The following COL22A1 variants were observed in gnomAD, a reference collection of about 807,000 sequenced individuals.
The protein encoded by COL22A1 is collagen alpha-1(XXII) chain.
Under a neutral mutation model 248.9 loss-of-function variants are expected in COL22A1, and 221 were observed. The observed-to-expected ratio is 0.89, with a 90% CI of 0.80 to 0.99. The LOEUF (loss-of-function observed/expected upper bound fraction) is 0.99, where lower values mean the gene tolerates loss of function less well. Ranked by LOEUF, COL22A1 falls within the 50% of genes least tolerant of loss-of-function variation. The pLI is 0.00. For missense variants in COL22A1, 2,240 were observed against 2,179.0 expected, an observed-to-expected ratio of 1.03 and a Z score of -0.56; for synonymous variants, 891 against 793.4, an observed-to-expected ratio of 1.12 and a Z score of -2.07.
At chr8:138,798,420 TTTAA>T (rs1455279000) in intron 11 of COL22A1, among the ~76,000 whole-genome samples, 1 of 152,030 alleles carries the variant, frequency 6.6e-6, no homozygotes, top group East Asian at 1.9e-4. Flanking sequence ...TCATGATATT[TTTAA>T]CTGTATATTT....
At chr8:138,676,267 G>C (rs756558483) in intron 41 of COL22A1, among the ~76,000 whole-genome samples, 2 of 147,186 alleles carry the variant, frequency 1.4e-5, no homozygotes, top group Non-Finnish European at 3.0e-5. Flanking sequence ...GTGGTGGCAG[G>C]CACCTGTAAT....
chr8:138,729,574 C>A (rs1830561693), intron 23 of COL22A1, among the ~76,000 whole-genome samples: 1 of 152,204 alleles, frequency 6.6e-6, no homozygotes, highest in Non-Finnish European at 1.5e-5. Flanking sequence ...CTGGAAGCAA[C>A]TGTCTGAAAG....
At chr8:138,868,587 A>G (rs566903880) in intron 3 of COL22A1, among the ~76,000 whole-genome samples, 2 of 152,290 alleles carry the variant, frequency 1.3e-5, no homozygotes, top group South Asian at 4.1e-4. Context: ...ATAAATACAC[A>G]CTCACACACA....
intron 1 of COL22A1, among the ~76,000 whole-genome samples, chr8:138,885,567 C>CG (rs1824600474): frequency 6.9e-6 from 1 of 145,266 alleles, no homozygotes; most frequent in Non-Finnish European, 1.5e-5. Flanking sequence ...ACGTATCACA[C>CG]AGTTTTTTTT....
chr8:138,804,804 G>A (rs1367863446), intron 10 of COL22A1, among the ~76,000 whole-genome samples: 1 of 147,542 alleles, frequency 6.8e-6, no homozygotes, highest in Non-Finnish European at 1.5e-5. Flanking sequence ...GTGTGTGTGT[G>A]TGATGGGATG....
At chr8:138,630,288 T>C (rs1820596247) in intron 50 of COL22A1, among the ~76,000 whole-genome samples, 1 of 152,188 alleles carries the variant, frequency 6.6e-6, no homozygotes, top group South Asian at 2.1e-4. Context: ...TAACAATAGC[T>C]GCCTCTTGTC....
At chr8:138,602,620 C>T (rs2131837130) in intron 59 of COL22A1, among the ~76,000 whole-genome samples, 1 of 152,322 alleles carries the variant, frequency 6.6e-6, no homozygotes, top group African/African-American at 2.4e-5. Flanking sequence ...CTACTTCCCA[C>T]CTGGCCTGCA....
In COL22A1 at chr8:138,827,187, G is replaced by A. The variant is rs547295444; in HGVS notation, c.846-406C>T. The stretch of plus-strand genomic sequence containing the variant: ...AAATGGATATACCTTATCCTGCTTG[G>A]TGCCCTGTCCCAGATGCCAGGATGC... On this transcript the variant is annotated intron_variant, in intron 5 of 64. Transcript: ENST00000303045. 56 of 180,490 alleles carry A rather than the reference G, an allele frequency of 3.1e-4. 1 individual carries two copies. In the South Asian group the frequency reaches 4.5e-3, roughly 14 times the overall value. The allele number at this position is 180,490 out of a possible 1,614,324, so 11.2% of individuals were successfully genotyped here.
At chr8:138,703,869 C>T (rs1281337247) in intron 30 of COL22A1, among the ~76,000 whole-genome samples, 1 of 152,162 alleles carries the variant, frequency 6.6e-6, no homozygotes, top group African/African-American at 2.4e-5. Flanking sequence ...GAATTCCCTT[C>T]CCTAGCCAAG....
intron 60 of COL22A1, among the ~76,000 whole-genome samples, chr8:138,600,463 G>C (rs1314792476): frequency 6.6e-6 from 1 of 152,180 alleles, no homozygotes; most frequent in African/African-American, 2.4e-5. Context: ...GATAACGTCT[G>C]ACATGCTCAG....
chr8:138,772,054 A>T (rs1834411667), intron 16 of COL22A1, among the ~76,000 whole-genome samples: 1 of 151,856 alleles, frequency 6.6e-6, no homozygotes, highest in Admixed American at 6.5e-5. Context: ...TGGCCGTCTC[A>T]TCCACTCCCA....
At chr8:138,631,932 G>A (rs1820755500) in intron 49 of COL22A1, among the ~76,000 whole-genome samples, 1 of 151,956 alleles carries the variant, frequency 6.6e-6, no homozygotes, top group Non-Finnish European at 1.5e-5. Flanking sequence ...GTTCCTCATT[G>A]GAACTAAAAC....
At chr8:138,596,803 G>T in intron 62 of COL22A1, 101 bp downstream of exon 62, 1 of 1,076,110 alleles carries the variant, frequency 9.3e-7, no homozygotes, top group Non-Finnish European at 1.4e-6. Flanking sequence ...TGCCGGTCAA[G>T]TGCTTTTCTT....
chr8:138,902,725 AATATAT>A (rs34445760), intron 1 of COL22A1, among the ~76,000 whole-genome samples: 105 of 107,180 alleles, frequency 9.8e-4, no homozygotes, highest in African/African-American at 4.1e-3. Context: ...AAAATTTATA[AATATAT>A]ATATATATAC....
intron 21 of COL22A1, among the ~76,000 whole-genome samples, chr8:138,751,838 G>T (rs1832632894): frequency 6.6e-6 from 1 of 152,206 alleles, no homozygotes; most frequent in South Asian, 2.1e-4. Context: ...AAGTGTCTTT[G>T]ATTCTAAGCC....
intron 12 of COL22A1, among the ~76,000 whole-genome samples, chr8:138,788,039 T>C (rs1815694455): frequency 6.6e-6 from 1 of 152,220 alleles, no homozygotes; most frequent in Non-Finnish European, 1.5e-5. Flanking sequence ...GTGCTGTTAC[T>C]AATATTCTTC....
intron 3 of COL22A1, among the ~76,000 whole-genome samples, chr8:138,876,146 C>T (rs1015425708): frequency 6.6e-6 from 1 of 152,178 alleles, no homozygotes. Flanking sequence ...TCTGGCAATG[C>T]CCAGCAGCCC....
At chr8:138,861,486 G>T (rs1411561207) in intron 3 of COL22A1, among the ~76,000 whole-genome samples, 1 of 152,154 alleles carries the variant, frequency 6.6e-6, no homozygotes, top group Non-Finnish European at 1.5e-5. Flanking sequence ...TGGCCTCTCT[G>T]CAATGCTGAC....
chr8:138,786,707 C>A (rs1300966974), intron 12 of COL22A1, among the ~76,000 whole-genome samples: 1 of 152,104 alleles, frequency 6.6e-6, no homozygotes. Context: ...AGTTTGAGAC[C>A]ATCTCGGCCA....
Sources: gnomAD v4.1 joint callset for allele counts (sites outside exome capture counted in the v4.1 genomes callset) on GRCh38, gnomAD v4.1.1 for gene constraint, MANE v1.5 for transcripts, NCBI Gene and HGNC (gene_info 2026-07-23, HGNC 2026-07-21) for gene names.